Variants in UNC5C observed in about 807,000 individuals in gnomAD.
UNC5C encodes the protein unc-5 netrin receptor C.
A neutral mutation model predicts 99.8 loss-of-function variants in UNC5C; 47 were observed. The ratio of observed to expected loss-of-function variants is 0.47; its 90% CI spans 0.37 to 0.60. UNC5C has a LOEUF of 0.60. Among genes scored for constraint, UNC5C ranks in the 20% least tolerant of loss-of-function variants. The pLI, the probability that UNC5C is intolerant of heterozygous loss-of-function variation, is 0.00. For missense variants in UNC5C, 1,062 were observed against 1,165.9 expected, an observed-to-expected ratio of 0.91 and a Z score of 1.30; for synonymous variants, 487 against 452.2, an observed-to-expected ratio of 1.08 and a Z score of -0.98.
At chr4:95,172,818 G>A (rs1447357865) in intron 14 of UNC5C, among the ~76,000 whole-genome samples, 2 of 151,228 alleles carry the variant, frequency 1.3e-5, no homozygotes, top group Non-Finnish European at 3.0e-5. Flanking sequence ...TGAATCTATA[G>A]ATTACCTTGG....
At chr4:95,361,004 GA>G (rs1193202665) in intron 1 of UNC5C, among the ~76,000 whole-genome samples, 13 of 152,264 alleles carry the variant, frequency 8.5e-5, no homozygotes, top group African/African-American at 3.1e-4. Flanking sequence ...AGTAAACTCA[GA>G]AAGTAAAAAC....
chr4:95,212,395 G>A (rs753834354), intron 10 of UNC5C, among the ~76,000 whole-genome samples: 1 of 152,090 alleles, frequency 6.6e-6, no homozygotes, highest in Admixed American at 6.5e-5. Context: ...TATTTATACC[G>A]CGGTTTGTCT....
At chr4:95,292,388 G>A (rs908472147) in intron 3 of UNC5C, among the ~76,000 whole-genome samples, 2 of 151,408 alleles carry the variant, frequency 1.3e-5, no homozygotes, top group Non-Finnish European at 2.9e-5. Flanking sequence ...TCCTGCTTCA[G>A]CCTCCCGGAG....
chr4:95,342,204 C>A (rs1212062321), intron 1 of UNC5C, among the ~76,000 whole-genome samples: 3 of 152,060 alleles, frequency 2.0e-5, no homozygotes, highest in African/African-American at 7.2e-5. Context: ...CTTGTGCCAC[C>A]CCTCCCCTAA....
chr4:95,273,815 G>T (rs540160967), intron 4 of UNC5C, among the ~76,000 whole-genome samples: 1 of 152,116 alleles, frequency 6.6e-6, no homozygotes, highest in East Asian at 1.9e-4. Flanking sequence ...AGTGGCCTTG[G>T]TTCCTGGTCC....
intron 1 of UNC5C, among the ~76,000 whole-genome samples, chr4:95,438,962 G>A (rs1746868740): frequency 6.6e-6 from 1 of 152,112 alleles, no homozygotes; most frequent in Non-Finnish European, 1.5e-5. Flanking sequence ...GATAGGACGA[G>A]GTCTTCCCTA....
intron 1 of UNC5C, among the ~76,000 whole-genome samples, chr4:95,385,993 T>C (rs1009385532): frequency 6.6e-6 from 1 of 152,112 alleles, no homozygotes; most frequent in Non-Finnish European, 1.5e-5. Flanking sequence ...CAGTATCTCC[T>C]GGCATTCGCT....
intron 1 of UNC5C, among the ~76,000 whole-genome samples, chr4:95,367,310 G>A (rs989491283): frequency 2.0e-4 from 30 of 150,590 alleles, no homozygotes; most frequent in African/African-American, 5.9e-4. Context: ...TTGGGATTAT[G>A]GGCGTACACC....
At chr4:95,489,807 G>T (rs1389313417) in intron 1 of UNC5C, among the ~76,000 whole-genome samples, 1 of 151,652 alleles carries the variant, frequency 6.6e-6, no homozygotes, top group Non-Finnish European at 1.5e-5. Context: ...AACAACTTTT[G>T]TTTTATGGAT....
intron 2 of UNC5C, among the ~76,000 whole-genome samples, chr4:95,317,019 A>G (rs1018588143): frequency 6.6e-6 from 1 of 152,148 alleles, no homozygotes; most frequent in African/African-American, 2.4e-5. Flanking sequence ...GAAAAAAAAA[A>G]AGCAAAAATA....
At chr4:95,399,210 G>A (rs898212362) in intron 1 of UNC5C, among the ~76,000 whole-genome samples, 6 of 152,096 alleles carry the variant, frequency 3.9e-5, no homozygotes, top group Admixed American at 1.3e-4. Context: ...AAATGACATA[G>A]GAAGAAGTAT....
At chr4:95,514,434 ACT>A (rs1242756243) in intron 1 of UNC5C, among the ~76,000 whole-genome samples, 1 of 151,186 alleles carries the variant, frequency 6.6e-6, no homozygotes, top group African/African-American at 2.4e-5. Flanking sequence ...AATTCTTTGA[ACT>A]CTCTTAGAGG....
intron 14 of UNC5C, among the ~76,000 whole-genome samples, chr4:95,178,381 C>T (rs987150114): frequency 2.7e-4 from 41 of 152,212 alleles, no homozygotes; most frequent in African/African-American, 9.9e-4. Flanking sequence ...CGGTGCCTCC[C>T]AGCTCTTCTG....
intron 1 of UNC5C, among the ~76,000 whole-genome samples, chr4:95,335,851 A>C (rs1743318026): frequency 1.3e-5 from 2 of 151,898 alleles, no homozygotes; most frequent in South Asian, 4.1e-4. Flanking sequence ...CAGGGAGGAT[A>C]AGTAAGTTGC....
At chr4:95,509,633 G>A (rs1722014477) in intron 1 of UNC5C, among the ~76,000 whole-genome samples, 1 of 151,650 alleles carries the variant, frequency 6.6e-6, no homozygotes, top group South Asian at 2.1e-4. Flanking sequence ...TACCTAGACT[G>A]AACACAATTA....
rs376802312 is a variant in UNC5C at position 95,170,135 on chromosome 4, G to A, written c.2630+19C>T. ...GCACTAACAGAAAGAAGCTAGTCTT[G>A]GGGCCAGACCATACCCACCTGTCCA... On this transcript the variant is annotated intron_variant, in intron 15 of 15. Coordinates refer to ENST00000453304, the MANE Select transcript of UNC5C (RefSeq NM_003728.4). 1.5e-4 allele frequency: 247 copies of A among 1,607,304 alleles called. No individual in the cohort carries two copies. Among genetic ancestry groups the A allele is most frequent in the Non-Finnish European group, 2.0e-4 (236 of 1,174,972 alleles).
At chr4:95,217,470 T>G (rs1738292536) in intron 9 of UNC5C, among the ~76,000 whole-genome samples, 1 of 152,194 alleles carries the variant, frequency 6.6e-6, no homozygotes, top group Admixed American at 6.5e-5. Context: ...CTCAGTGCTT[T>G]TATTTTTTTC....
intron 1 of UNC5C, among the ~76,000 whole-genome samples, chr4:95,369,555 C>T (rs1744684184): frequency 1.3e-5 from 2 of 151,664 alleles, no homozygotes; most frequent in Non-Finnish European, 2.9e-5. Flanking sequence ...GATCGCATCT[C>T]CAAAAAAAGG....
intron 3 of UNC5C, among the ~76,000 whole-genome samples, chr4:95,295,255 AG>A (rs1459511149): frequency 4.6e-5 from 7 of 152,208 alleles, no homozygotes; most frequent in African/African-American, 1.7e-4. Context: ...TATTACAGTA[AG>A]GGTTCTGCAC....
Sources: gnomAD v4.1 joint callset for allele counts (sites outside exome capture counted in the v4.1 genomes callset) on GRCh38, gnomAD v4.1.1 for gene constraint, MANE v1.5 for transcripts, NCBI Gene and HGNC (gene_info 2026-07-23, HGNC 2026-07-21) for gene names.